Variants in ANOS1 observed in about 807,000 individuals in gnomAD.
ANOS1 encodes anosmin-1.
Under a neutral mutation model 59.0 loss-of-function variants are expected in ANOS1, and 6 were observed. The ratio of observed to expected loss-of-function variants is 0.10; its 90% CI spans 0.06 to 0.20. ANOS1 has a LOEUF of 0.20. ANOS1 is among the 10% of genes least tolerant of loss of function. The pLI, the probability that ANOS1 is intolerant of heterozygous loss-of-function variation, is 1.00. For synonymous variants in ANOS1, 217 were observed against 223.4 expected (o/e 0.97, Z 0.25); for missense variants, 433 against 542.3 (o/e 0.80, Z 2.00).
intron 2 of ANOS1, among the ~76,000 whole-genome samples, chrX:8,667,809 G>C (rs1293188859): frequency 9.0e-6 from 1 of 111,146 alleles, no homozygotes; most frequent in Non-Finnish European, 1.9e-5. Flanking sequence ...ATCCTGCCTG[G>C]CCGAGAAGGG....
chrX:8,732,024 C>T lies in ANOS1; in HGVS notation c.13G>A (p.Val5Met), dbSNP rs928360160. 4.0e-6 allele frequency: 4 copies of T among 996,616 alleles called. No homozygotes were observed. The highest frequency in any genetic ancestry group is 5.1e-6 in the Non-Finnish European group (4 of 790,353). 82.1% of individuals were successfully genotyped at this position (996,616 alleles called of 1,213,427 possible). The part of the protein sequence containing the change: MVPG[V>M]PGAVLTLCLW... ...CAGAGGGTCAGGACCGCGCCGGGCA[C>T]CCCGGGCACCATGGCTGCGGGTCGA... is the stretch of plus-strand genomic sequence containing the variant. Residue 5 changes from valine to methionine, a missense_variant, in exon 1 of 14, where the codon GTG becomes ATG. Coordinates refer to ENST00000262648, the MANE Select transcript of ANOS1 (RefSeq NM_000216.4).
chrX:8,594,765 T>TAC (rs1569058533), intron 4 of ANOS1, among the ~76,000 whole-genome samples: 2 of 69,730 alleles, frequency 2.9e-5, no homozygotes, highest in African/African-American at 1.3e-4. Context: ...TATATATATA[T>TAC]ATTTTTTTTT....
At position 8,596,932 on chromosome X, in the gene ANOS1, G is replaced by GT. The variant is rs1275397477; in HGVS notation, c.541+101dup. The GT allele has an allele frequency of 1.8e-5, 21 of 1,138,696 alleles. No individual in the cohort carries two copies. In the East Asian group the frequency reaches 6.1e-4, roughly 33 times the overall value. The allele number at this position is 1,138,696 out of a possible 1,213,427, so 93.8% of individuals were successfully genotyped here. On this transcript the variant is annotated intron_variant, in intron 4 of 13. Coordinates refer to ENST00000262648, the MANE Select transcript of ANOS1 (RefSeq NM_000216.4). ...AAAATAAATTTTCTAAAGATTTTATGTTTTTTAGACTTTTCACACCTATGA... is the reference window on the plus strand; with the variant it reads ...AAAATAAATTTTCTAAAGATTTTATGTTTTTTTAGACTTTTCACACCTATGA...
chrX:8,551,342 A>G (rs1284192912), intron 9 of ANOS1, among the ~76,000 whole-genome samples: 1 of 112,226 alleles, frequency 8.9e-6, no homozygotes, highest in Non-Finnish European at 1.9e-5. Context: ...GCTTATCTCT[A>G]AAATTAAGAA....
chrX:8,557,265 C>T (rs1170172617), intron 8 of ANOS1, among the ~76,000 whole-genome samples: 3 of 111,798 alleles, frequency 2.7e-5, no homozygotes, highest in Non-Finnish European at 5.6e-5. Context: ...TAGGCATGGG[C>T]AAAGACTTCA....
chrX:8,541,411 C>CG lies in ANOS1; in HGVS notation c.1355-1654_1355-1653insC, dbSNP rs1477061807. On this transcript the variant is annotated intron_variant, in intron 9 of 13. Coordinates refer to ENST00000262648, the MANE Select transcript of ANOS1 (RefSeq NM_000216.4). ...AGAGCAAAACTCCGTCTCCCACCAC[C>CG]CCCCCCCCAAAAACAAAAAAACAAA... 7.0e-5 allele frequency among the ~76,000 whole-genome samples: 3 copies of CG among 42,853 alleles called. No homozygotes were observed. In the South Asian group the frequency reaches 2.5e-3, roughly 36 times the overall value. The allele number at this position is 42,853 out of a possible 115,157, so 37.2% of individuals were successfully genotyped here.
At chrX:8,669,569 G>A (rs1016052166) in intron 2 of ANOS1, among the ~76,000 whole-genome samples, 1 of 102,430 alleles carries the variant, frequency 9.8e-6, no homozygotes, top group African/African-American at 3.6e-5. Context: ...GTCTGAAATG[G>A]AATGCCTTAT....
At chrX:8,537,491 T>C (rs1929614678) in intron 10 of ANOS1, among the ~76,000 whole-genome samples, 1 of 112,273 alleles carries the variant, frequency 8.9e-6, no homozygotes, top group African/African-American at 3.2e-5. Flanking sequence ...TATAACTTTA[T>C]GATAATGTCA....
intron 4 of ANOS1, among the ~76,000 whole-genome samples, chrX:8,592,650 G>A (rs12559345): frequency 0.069 from 7,644 of 110,947 alleles, 244 homozygotes; most frequent in Admixed American, 0.13. Context: ...TAGACTTAGA[G>A]AGGAAATAGA....
intron 2 of ANOS1, among the ~76,000 whole-genome samples, chrX:8,657,467 C>CT (rs1324799667): frequency 0.015 from 1,252 of 83,889 alleles, 48 homozygotes; most frequent in African/African-American, 0.045. Context: ...ACTGTGCTTG[C>CT]TTTTTTTTTT....
At chrX:8,671,156 A>C (rs966722739) in intron 2 of ANOS1, among the ~76,000 whole-genome samples, 5 of 111,591 alleles carry the variant, frequency 4.5e-5, no homozygotes, top group African/African-American at 1.6e-4. Flanking sequence ...ACTGCACTTT[A>C]TACAGAATAT....
rs886935394 is a variant in ANOS1, at chrX:8,731,632, T to G, written c.207+198A>C. On this transcript the variant is annotated intron_variant, in intron 1 of 13. Transcript: ENST00000262648. ...GGGGCAAGATGTCTCGGGCTTCTTT[T>G]TCTTTTCAGGAGCCGGGAAGAGGCT... 2.7e-5 allele frequency among the ~76,000 whole-genome samples: 3 copies of G among 112,527 alleles called. No homozygotes were observed. The Admixed American group carries it at 2.8e-4, about 10-fold the overall frequency.
chrX:8,577,055 T>G (rs1930340924), intron 6 of ANOS1, among the ~76,000 whole-genome samples: 1 of 111,279 alleles, frequency 9.0e-6, no homozygotes, highest in Non-Finnish European at 1.9e-5. Flanking sequence ...CAATAAAACT[T>G]TATTTGCAAA....
intron 2 of ANOS1, among the ~76,000 whole-genome samples, chrX:8,654,780 A>T (rs1931904378): frequency 8.9e-6 from 1 of 112,375 alleles, no homozygotes; most frequent in South Asian, 3.7e-4. Context: ...AGCTAAGCCC[A>T]TTGGGAAATG....
intron 1 of ANOS1, among the ~76,000 whole-genome samples, chrX:8,701,431 C>A (rs1932755465): frequency 8.9e-6 from 1 of 112,183 alleles, no homozygotes; most frequent in Non-Finnish European, 1.9e-5. Flanking sequence ...AATTGTACAA[C>A]TTGAGTATAT....
At chrX:8,565,311 G>A (rs773304340) in intron 8 of ANOS1, among the ~76,000 whole-genome samples, 145 of 111,778 alleles carry the variant, frequency 1.3e-3, no homozygotes, top group Non-Finnish European at 2.0e-3. Flanking sequence ...GACAGCTCTT[G>A]CATGAAGCTG....
intron 4 of ANOS1, among the ~76,000 whole-genome samples, chrX:8,594,648 ATATATATGTG>A (rs1453600519): frequency 1.9e-5 from 1 of 52,899 alleles, no homozygotes; most frequent in Admixed American, 2.5e-4. Context: ...ATCTACATAT[ATATATATGTG>A]TATATATATA....
chrX:8,663,384 G>T (rs1932073735), intron 2 of ANOS1, among the ~76,000 whole-genome samples: 1 of 111,248 alleles, frequency 9.0e-6, no homozygotes, highest in Non-Finnish European at 1.9e-5. Context: ...TACAAAAATA[G>T]GTAGCAGGGC....
chrX:8,647,831 A>G (rs1224305047), intron 2 of ANOS1, among the ~76,000 whole-genome samples: 1 of 111,759 alleles, frequency 8.9e-6, no homozygotes, highest in Non-Finnish European at 1.9e-5. Flanking sequence ...TTTGAGCCAA[A>G]AAAGCATCTT....
Sources: gnomAD v4.1 joint callset for allele counts (sites outside exome capture counted in the v4.1 genomes callset) on GRCh38, gnomAD v4.1.1 for gene constraint, MANE v1.5 for transcripts, NCBI Gene and HGNC (gene_info 2026-07-23, HGNC 2026-07-21) for gene names.